Variants in ZNF618 observed in about 807,000 individuals in gnomAD.
ZNF618 encodes zinc finger protein 618, also known as neural precursor cell expressed, developmentally down-regulated 10.
Under a neutral mutation model 103.0 loss-of-function variants are expected in ZNF618, and 34 were observed. The observed-to-expected ratio is 0.33, with a 90% confidence interval of 0.25 to 0.44. The LOEUF (loss-of-function observed/expected upper bound fraction) is 0.44, where lower values mean the gene tolerates loss of function less well. Among genes scored for constraint, ZNF618 ranks in the 20% least tolerant of loss-of-function variants. The pLI is 1.00. For synonymous variants in ZNF618, 551 were observed against 542.2 expected (o/e 1.02, Z -0.23); for missense variants, 1,059 against 1,295.4 (o/e 0.82, Z 2.80).
chr9:113,926,740 C>G (rs1428248694), intron 1 of ZNF618, among the ~76,000 whole-genome samples: 1 of 152,168 alleles, frequency 6.6e-6, no homozygotes, highest in African/African-American at 2.4e-5. Flanking sequence ...CAAATCTGCA[C>G]TGTAGCTCAT....
chr9:113,955,881 A>G (rs1424554638), intron 1 of ZNF618, among the ~76,000 whole-genome samples: 1 of 152,060 alleles, frequency 6.6e-6, no homozygotes, highest in Non-Finnish European at 1.5e-5. Context: ...TAGGTTTGCA[A>G]ATGAAAATGT....
At chr9:113,877,665 T>TG (rs1564117364) in intron 1 of ZNF618, among the ~76,000 whole-genome samples, 8 of 151,942 alleles carry the variant, frequency 5.3e-5, no homozygotes, top group Middle Eastern at 3.2e-3. Context: ...GTGTGTGTGT[T>TG]TTTTTTGTTT....
chr9:114,014,437 T>G (rs996268699), intron 9 of ZNF618, among the ~76,000 whole-genome samples: 2 of 152,106 alleles, frequency 1.3e-5, no homozygotes, highest in Admixed American at 6.5e-5. Flanking sequence ...GTGGATGGAG[T>G]TTTAAATTTG....
At chr9:114,022,908 T>C (rs1843197493) in intron 10 of ZNF618, among the ~76,000 whole-genome samples, 1 of 152,140 alleles carries the variant, frequency 6.6e-6, no homozygotes. Flanking sequence ...TCTCTGGTAA[T>C]GCCTGTTGTC....
chr9:113,973,945 T>C (rs938414410), intron 2 of ZNF618, among the ~76,000 whole-genome samples: 1 of 152,084 alleles, frequency 6.6e-6, no homozygotes, highest in Non-Finnish European at 1.5e-5. Flanking sequence ...GACAAGGAGA[T>C]TGGGGAGGAG....
intron 3 of ZNF618, among the ~76,000 whole-genome samples, chr9:113,994,245 C>T (rs185115917): frequency 3.3e-5 from 5 of 152,320 alleles, no homozygotes; most frequent in South Asian, 2.1e-4. Flanking sequence ...GACACAGCCA[C>T]GTGGGTTTCA....
chr9:113,928,936 G>C (rs926887061), intron 1 of ZNF618, among the ~76,000 whole-genome samples: 1 of 152,198 alleles, frequency 6.6e-6, no homozygotes, highest in South Asian at 2.1e-4. Flanking sequence ...GAGTTGTCCA[G>C]TTGTCCTTCC....
intron 10 of ZNF618, among the ~76,000 whole-genome samples, chr9:114,027,499 G>A (rs758468832): frequency 7.9e-5 from 12 of 152,256 alleles, no homozygotes; most frequent in Non-Finnish European, 1.2e-4. Context: ...ATGCACCAGT[G>A]TGGTAAATGA....
rs1831863681 is a variant in ZNF618, at chr9:113,914,386, T to G, written c.33+37973T>G. 2.0e-5 allele frequency among the ~76,000 whole-genome samples: 3 copies of G among 152,162 alleles called. No homozygotes were observed. In the South Asian group the frequency reaches 6.2e-4, roughly 32 times the overall value. On this transcript the variant is annotated intron_variant, in intron 1 of 14. Transcript: ENST00000374126. ...GCAGGATATAGGCACCTTGGGGCTCTCCTCACGTGCGCTTCTCTGTAGAGC... is the reference window on the plus strand; with the variant it reads ...GCAGGATATAGGCACCTTGGGGCTCGCCTCACGTGCGCTTCTCTGTAGAGC...
intron 12 of ZNF618, among the ~76,000 whole-genome samples, 188 bp downstream of exon 12, chr9:114,032,916 C>T (rs1326119533): frequency 6.6e-6 from 1 of 152,080 alleles, no homozygotes. Context: ...CTTCCAGGGA[C>T]ATTCCTCTGA....
chr9:113,983,652 A>G (rs1323759471), intron 2 of ZNF618, among the ~76,000 whole-genome samples: 1 of 152,164 alleles, frequency 6.6e-6, no homozygotes, highest in Non-Finnish European at 1.5e-5. Flanking sequence ...TTTTCATGGG[A>G]AAAAGACATT....
At chr9:113,927,963 C>T (rs1307144307) in intron 1 of ZNF618, among the ~76,000 whole-genome samples, 1 of 152,186 alleles carries the variant, frequency 6.6e-6, no homozygotes, top group Non-Finnish European at 1.5e-5. Context: ...GTGGTTTGCT[C>T]TGTGACCTCA....
At chr9:113,983,172 C>G (rs1184966430) in intron 2 of ZNF618, among the ~76,000 whole-genome samples, 1 of 151,974 alleles carries the variant, frequency 6.6e-6, no homozygotes, top group African/African-American at 2.4e-5. Context: ...TATCCAAGGG[C>G]TCCACTGTAC....
At chr9:113,913,263 G>A (rs1316457867) in intron 1 of ZNF618, among the ~76,000 whole-genome samples, 1 of 152,222 alleles carries the variant, frequency 6.6e-6, no homozygotes, top group African/African-American at 2.4e-5. Flanking sequence ...AGGCTCACAG[G>A]GTTGAAGCGA....
In ZNF618 at chr9:114,048,004, C is replaced by T. The variant is rs376801441; in HGVS notation, c.1348+10C>T. The T allele has an allele frequency of 1.5e-5, 24 of 1,569,020 alleles. No individual in the cohort carries two copies. In the East Asian group the frequency reaches 5.0e-4, roughly 33 times the overall value. ...AACAGTGCCAATAACAGTAGGTCTC[C>T]CCAAGCAGGGCTGGACCTGAGGGTC... is the stretch of plus-strand genomic sequence containing the variant. On this transcript the variant is annotated intron_variant, in intron 14 of 14. Coordinates refer to ENST00000374126, the MANE Select transcript of ZNF618 (RefSeq NM_001318042.2).
At chr9:113,903,487 T>TA (rs1421734681) in intron 1 of ZNF618, among the ~76,000 whole-genome samples, 2 of 152,000 alleles carry the variant, frequency 1.3e-5, no homozygotes, top group Non-Finnish European at 2.9e-5. Flanking sequence ...TTTTTTTTTT[T>TA]AATCAACACT....
intron 1 of ZNF618, among the ~76,000 whole-genome samples, chr9:113,931,008 T>C (rs2131843379): frequency 6.6e-6 from 1 of 152,294 alleles, no homozygotes; most frequent in East Asian, 1.9e-4. Context: ...AATACTGAAA[T>C]TTACTTGGAG....
chr9:114,025,385 A>G (rs143601391), intron 10 of ZNF618, among the ~76,000 whole-genome samples: 1 of 152,290 alleles, frequency 6.6e-6, no homozygotes, highest in African/African-American at 2.4e-5. Context: ...TCTTTGCTCC[A>G]TGCATTCTCT....
chr9:113,929,170 A>G (rs1299283029), intron 1 of ZNF618, among the ~76,000 whole-genome samples: 1 of 152,186 alleles, frequency 6.6e-6, no homozygotes, highest in South Asian at 2.1e-4. Context: ...GTTAAAATCT[A>G]TGAAAATGTG....
Sources: allele counts gnomAD v4.1 joint callset (sites outside exome capture counted in the v4.1 genomes callset), GRCh38; gene constraint gnomAD v4.1.1; transcripts MANE v1.5; gene names NCBI Gene and HGNC (gene_info 2026-07-23, HGNC 2026-07-21).